Variants in CACNA1C observed in about 807,000 individuals in gnomAD.
The protein encoded by CACNA1C is calcium voltage-gated channel subunit alpha1 C.
A neutral mutation model predicts 229.0 loss-of-function variants in CACNA1C; 30 were observed. The observed-to-expected ratio is 0.13, with a 90% CI of 0.10 to 0.18. The LOEUF is 0.18. Among genes scored for constraint, CACNA1C ranks in the 10% least tolerant of loss-of-function variants. The pLI is 1.00. For missense variants in CACNA1C, 1,658 were observed against 2,845.0 expected, an observed-to-expected ratio of 0.58 and a Z score of 9.49; for synonymous variants, 1,114 against 1,132.5, an observed-to-expected ratio of 0.98 and a Z score of 0.33.
chr12:2,158,181 C>T (rs1406642398), intron 3 of CACNA1C, among the ~76,000 whole-genome samples: 2 of 152,154 alleles, frequency 1.3e-5, no homozygotes, highest in Non-Finnish European at 2.9e-5. Flanking sequence ...ATATTAGTAT[C>T]CAGATTGAAA....
At chr12:2,468,605 C>T (rs898159346) in intron 5 of CACNA1C, among the ~76,000 whole-genome samples, 1 of 152,218 alleles carries the variant, frequency 6.6e-6, no homozygotes, top group African/African-American at 2.4e-5. Context: ...TGCTTCTGGG[C>T]TGTAGGGCGC....
intron 4 of CACNA1C, among the ~76,000 whole-genome samples, chr12:2,457,305 C>T (rs2099437186): frequency 6.6e-6 from 1 of 152,216 alleles, no homozygotes; most frequent in Non-Finnish European, 1.5e-5. Context: ...CCAGCTCCTG[C>T]CTTTATGACG....
chr12:2,143,130 C>T (rs541610364), intron 3 of CACNA1C, among the ~76,000 whole-genome samples: 1 of 151,034 alleles, frequency 6.6e-6, no homozygotes, highest in Non-Finnish European at 1.5e-5. Context: ...TGCCTGCCAC[C>T]ATGCCCGGCT....
intron 11 of CACNA1C, among the ~76,000 whole-genome samples, chr12:2,561,912 A>G (rs1156959321): frequency 6.6e-6 from 1 of 152,248 alleles, no homozygotes; most frequent in African/African-American, 2.4e-5. Context: ...TCCTCCATGC[A>G]TATGTAAACA....
intron 3 of CACNA1C, among the ~76,000 whole-genome samples, chr12:2,420,671 G>A (rs183719868): frequency 1.1e-4 from 16 of 152,352 alleles, no homozygotes; most frequent in South Asian, 4.1e-4. Context: ...ACTCAGAGAC[G>A]TTTGGAATGG....
intron 1 of CACNA1C, among the ~76,000 whole-genome samples, chr12:1,983,844 A>G (rs756514025): frequency 6.9e-6 from 1 of 145,732 alleles, no homozygotes; most frequent in Admixed American, 6.8e-5. Flanking sequence ...CTGCAGAATT[A>G]AAAAAAAAAC....
intron 3 of CACNA1C, among the ~76,000 whole-genome samples, chr12:2,363,657 A>G (rs2097639735): frequency 6.6e-6 from 1 of 152,082 alleles, no homozygotes; most frequent in South Asian, 2.1e-4. Context: ...TTTCCCCTGA[A>G]GGTGATCTCT....
intron 1 of CACNA1C, among the ~76,000 whole-genome samples, chr12:2,037,959 G>T (rs138598431): frequency 9.0e-4 from 137 of 152,246 alleles, no homozygotes; most frequent in African/African-American, 3.3e-3. Flanking sequence ...TATTGTTCTA[G>T]GCAACGTTGT....
rs113129249 is a variant in CACNA1C, at chr12:2,342,067, C to T, written c.478-106909C>T. Among the ~76,000 whole-genome samples the T allele has an allele frequency of 1.1e-4, 16 of 152,304 alleles. No homozygotes were observed. In the South Asian group the frequency reaches 1.4e-3, roughly 14 times the overall value. Reference sequence around the variant, plus strand: ...TCATTTGTTAGGAAATAAAACCAGACTGTTTCCAAAGAGTAGAGAAATAGG... The same window carrying T: ...TCATTTGTTAGGAAATAAAACCAGATTGTTTCCAAAGAGTAGAGAAATAGG... On this transcript the variant is annotated intron_variant, in intron 3 of 46. Coordinates refer to ENST00000399655, the MANE Select transcript of CACNA1C (RefSeq NM_000719.7).
At chr12:2,135,910 C>G (rs1482627294) in intron 3 of CACNA1C, among the ~76,000 whole-genome samples, 2 of 149,008 alleles carry the variant, frequency 1.3e-5, no homozygotes, top group Non-Finnish European at 3.0e-5. Context: ...CCCAGCCTCG[C>G]TGCCGCCTTG....
intron 3 of CACNA1C, among the ~76,000 whole-genome samples, chr12:2,395,877 G>C (rs2098558501): frequency 6.6e-6 from 1 of 152,164 alleles, no homozygotes; most frequent in Non-Finnish European, 1.5e-5. Flanking sequence ...GAAATTAGAA[G>C]GTGCTAGGCA....
intron 1 of CACNA1C, among the ~76,000 whole-genome samples, chr12:2,037,860 A>G (rs2049410125): frequency 1.3e-5 from 2 of 152,074 alleles, no homozygotes; most frequent in South Asian, 4.2e-4. Flanking sequence ...TTTAAAAATA[A>G]CCCCAGGGGA....
intron 11 of CACNA1C, among the ~76,000 whole-genome samples, chr12:2,557,246 T>TC (rs2044885788): frequency 6.6e-6 from 1 of 152,200 alleles, no homozygotes; most frequent in Non-Finnish European, 1.5e-5. Flanking sequence ...CCAAATGTGT[T>TC]TTCCTCCCTT....
intron 3 of CACNA1C, among the ~76,000 whole-genome samples, chr12:2,135,780 C>A (rs544423267): frequency 5.5e-5 from 8 of 146,678 alleles, no homozygotes; most frequent in Admixed American, 2.0e-4. Context: ...GCCCTGCCCC[C>A]AGAGGTGGAG....
At chr12:2,586,263 AAT>A (rs1191951521) in intron 18 of CACNA1C, among the ~76,000 whole-genome samples, 2 of 152,216 alleles carry the variant, frequency 1.3e-5, no homozygotes, top group Non-Finnish European at 2.9e-5. Flanking sequence ...ACTTAATATT[AAT>A]AGTCAATCCC....
At chr12:2,461,501 A>G (rs762054607) in intron 5 of CACNA1C, among the ~76,000 whole-genome samples, 10 of 152,108 alleles carry the variant, frequency 6.6e-5, no homozygotes, top group Non-Finnish European at 1.0e-4. Context: ...AATATAATCT[A>G]TGTATCTTCC....
chr12:2,035,017 A>C (rs2048850939), intron 1 of CACNA1C, among the ~76,000 whole-genome samples: 1 of 152,208 alleles, frequency 6.6e-6, no homozygotes, highest in Admixed American at 6.5e-5. Context: ...GTAAAGGCCG[A>C]CGCCGGTTCA....
intron 1 of CACNA1C, among the ~76,000 whole-genome samples, chr12:2,106,659 C>G: frequency 3.5e-5 from 2 of 56,530 alleles, no homozygotes; most frequent in Non-Finnish European, 4.3e-5. Flanking sequence ...GGGAGGGTTT[C>G]CACCTCAGCT....
rs1008907593 is a variant in CACNA1C, at chr12:2,479,531, T to C, written c.758-6573T>C. Among the ~76,000 whole-genome samples the C allele has an allele frequency of 1.3e-5, 2 of 152,256 alleles. No homozygotes were observed. The highest frequency in any genetic ancestry group is 6.5e-5 in the Admixed American group (1 of 15,294). ...AGTTTATTTGGAAATACAGAAGGCA[T>C]AACTTGCTTTGGTAGGGCCAGCCTC... On this transcript the variant is annotated intron_variant, in intron 5 of 46. Coordinates refer to ENST00000399655, the MANE Select transcript of CACNA1C (RefSeq NM_000719.7). This position sits in a 1 kb window ranked among gnomAD's most constrained non-coding sequence, Gnocchi z 4.3.
Sources: gnomAD v4.1 joint callset for allele counts (sites outside exome capture counted in the v4.1 genomes callset) on GRCh38, gnomAD v4.1.1 for gene constraint, Gnocchi (gnomAD v3.1) non-coding constraint, MANE v1.5 for transcripts, NCBI Gene and HGNC (gene_info 2026-07-23, HGNC 2026-07-21) for gene names.